The following DPP6 variants were observed in gnomAD, a reference collection of about 807,000 sequenced individuals.
The protein encoded by DPP6 is A-type potassium channel modulatory protein DPP6.
DPP6 carries 69 observed loss-of-function variants against 122.6 expected under a neutral mutation model. The ratio of observed to expected loss-of-function variants is 0.56; its 90% CI spans 0.46 to 0.69. The LOEUF is 0.69. DPP6 is among the 30% of genes least tolerant of loss of function. The pLI is 0.00. For synonymous variants in DPP6, 418 were observed against 433.1 expected (o/e 0.97, Z 0.43); for missense variants, 928 against 1,116.9 (o/e 0.83, Z 2.41).
intron 1 of DPP6, among the ~76,000 whole-genome samples, chr7:154,235,231 A>G (rs979033915): frequency 2.0e-5 from 3 of 152,110 alleles, no homozygotes; most frequent in African/African-American, 7.2e-5. Flanking sequence ...CACTCTGTGG[A>G]TGCACCTGTT....
At chr7:154,847,196 C>T (rs1475106352) in intron 16 of DPP6, among the ~76,000 whole-genome samples, 1 of 152,170 alleles carries the variant, frequency 6.6e-6, no homozygotes. Context: ...CTGACACCCC[C>T]AACACGGCTT....
chr7:154,030,251 T>G (rs576678962), intron 1 of DPP6, among the ~76,000 whole-genome samples: 4 of 152,216 alleles, frequency 2.6e-5, no homozygotes, highest in Non-Finnish European at 4.4e-5. Flanking sequence ...GCCCCTGACC[T>G]ATGTTTTTCT....
At chr7:153,984,312 T>C (rs1796737623) in intron 1 of DPP6, among the ~76,000 whole-genome samples, 1 of 152,158 alleles carries the variant, frequency 6.6e-6, no homozygotes, top group Admixed American at 6.5e-5. Context: ...AAGAAACCTT[T>C]ATTGCAAACA....
At chr7:154,715,289 G>A (rs767917722) in intron 7 of DPP6, among the ~76,000 whole-genome samples, 6 of 152,078 alleles carry the variant, frequency 3.9e-5, no homozygotes, top group Admixed American at 6.6e-5. Context: ...GGCTGGTCTC[G>A]AACTCCTAAC....
chr7:153,881,981 C>T, the DPP6 span, among the ~76,000 whole-genome samples: 1 of 152,154 alleles, frequency 6.6e-6, no homozygotes, highest in Non-Finnish European at 1.5e-5. Flanking sequence ...CCACCAGACA[C>T]CGTGAGATCC....
At chr7:154,496,978 C>G (rs545729401) in intron 3 of DPP6, among the ~76,000 whole-genome samples, 1 of 152,280 alleles carries the variant, frequency 6.6e-6, no homozygotes, top group South Asian at 2.1e-4. Flanking sequence ...TTCACTCATG[C>G]AGCATTGTGT....
chr7:153,997,657 C>A (rs1226625727), intron 1 of DPP6, among the ~76,000 whole-genome samples: 1 of 149,430 alleles, frequency 6.7e-6, no homozygotes, highest in African/African-American at 2.5e-5. Context: ...TTATACACAG[C>A]TCTCCTCTTA....
At chr7:153,762,814 C>T in the DPP6 span, among the ~76,000 whole-genome samples, 2 of 152,074 alleles carry the variant, frequency 1.3e-5, no homozygotes, top group South Asian at 4.2e-4. Context: ...ATAAACCCCA[C>T]CCACAGTCTC....
intron 1 of DPP6, among the ~76,000 whole-genome samples, chr7:154,418,462 A>T (rs1448024976): frequency 1.3e-5 from 2 of 152,180 alleles, no homozygotes; most frequent in African/African-American, 4.8e-5. Flanking sequence ...GCGTTTCTTG[A>T]GTGTTTTTTC....
intron 7 of DPP6, among the ~76,000 whole-genome samples, chr7:154,710,469 A>C (rs4960597): frequency 0.99 from 150,918 of 152,366 alleles, 74,750 homozygotes; most frequent in East Asian, 1. Flanking sequence ...AATCTTTCAG[A>C]CACAGCTGGT....
At chr7:153,881,675 C>T in the DPP6 span, among the ~76,000 whole-genome samples, 2 of 152,120 alleles carry the variant, frequency 1.3e-5, no homozygotes, top group African/African-American at 4.8e-5. Flanking sequence ...TCACATGGCT[C>T]TCACTGCTGG....
Position 154,771,085 on chromosome 7 carries a change from A to T in DPP6, c.1038+1514A>T, listed in dbSNP as rs1796223646. 2.6e-5 allele frequency among the ~76,000 whole-genome samples: 4 copies of T among 152,332 alleles called. No homozygotes were observed. In the South Asian group the frequency reaches 8.3e-4, roughly 32 times the overall value. ...GCCCACCAGAGAGCTCTGAAAGCTG[A>T]TGGTATGTGCCTGCTCTGCCATAAT... is the stretch of plus-strand genomic sequence containing the variant. On this transcript the variant is annotated intron_variant, in intron 9 of 25. Transcript: ENST00000377770.
chr7:154,062,863 C>A (rs1802209455), intron 1 of DPP6, among the ~76,000 whole-genome samples: 1 of 134,894 alleles, frequency 7.4e-6, no homozygotes, highest in Non-Finnish European at 1.6e-5. Flanking sequence ...CCTCTTCCTC[C>A]CCCAGCTTAG....
chr7:154,076,341 T>A (rs1264604233), intron 1 of DPP6, among the ~76,000 whole-genome samples: 1 of 151,578 alleles, frequency 6.6e-6, no homozygotes, highest in Non-Finnish European at 1.5e-5. Flanking sequence ...TCCCAGCTAC[T>A]CGGGAGGCTG....
At chr7:154,155,094 C>T (rs1209013926) in intron 1 of DPP6, among the ~76,000 whole-genome samples, 1 of 152,038 alleles carries the variant, frequency 6.6e-6, no homozygotes, top group Non-Finnish European at 1.5e-5. Flanking sequence ...TTCCTAGGGT[C>T]GCAATACCAT....
rs566330185 is a variant in DPP6, at chr7:154,716,022, C to A, written c.763-11745C>A. Reference sequence around the variant, plus strand: ...TTTATTTCCTTCTGTTCCCGCCACACACCCACACCCTGTAGATTCTGAATC... The same window carrying A: ...TTTATTTCCTTCTGTTCCCGCCACAAACCCACACCCTGTAGATTCTGAATC... On this transcript the variant is annotated intron_variant, in intron 7 of 25. Transcript: ENST00000377770. 1.6e-3 allele frequency among the ~76,000 whole-genome samples: 245 copies of A among 152,336 alleles called. 2 individuals are homozygous for A. Among genetic ancestry groups the A allele is most frequent in the Middle Eastern group, 0.01 (3 of 294 alleles).
At chr7:154,019,710 C>T (rs2533826) in intron 1 of DPP6, among the ~76,000 whole-genome samples, 42,410 of 151,958 alleles carry the variant, frequency 0.28, 7,908 homozygotes, top group African/African-American at 0.53. Context: ...TGTGGCTGTC[C>T]CCAAATTCTA....
At chr7:154,005,158 CTA>C (rs141064542) in intron 1 of DPP6, among the ~76,000 whole-genome samples, 4,695 of 152,204 alleles carry the variant, frequency 0.031, 215 homozygotes, top group African/African-American at 0.11. Flanking sequence ...GAAGCCAAGA[CTA>C]TCTGAAAAGG....
chr7:154,455,100 G>C lies in DPP6; in HGVS notation c.358+8772G>C, dbSNP rs1464672455. Among the ~76,000 whole-genome samples the C allele has an allele frequency of 2.0e-5, 3 of 152,188 alleles. No homozygotes were observed. In the East Asian group the frequency reaches 5.8e-4, roughly 29 times the overall value. ...CTGCCATCAGTATGTCGACAACATG[G>C]TTGTGACGGCTTCATGCTTCACTCG... On this transcript the variant is annotated intron_variant, in intron 2 of 25. Coordinates refer to ENST00000377770, the MANE Select transcript of DPP6 (RefSeq NM_130797.4).
Sources: gnomAD v4.1 joint callset for allele counts (sites outside exome capture counted in the v4.1 genomes callset) on GRCh38, gnomAD v4.1.1 for gene constraint, MANE v1.5 for transcripts, NCBI Gene and HGNC (gene_info 2026-07-23, HGNC 2026-07-21) for gene names.